SLC26A7: variants seen among roughly 807,000 people sequenced by gnomAD.
The protein encoded by SLC26A7 is anion exchange transporter.
Under a neutral mutation model 82.5 loss-of-function variants are expected in SLC26A7, and 59 were observed. The observed-to-expected ratio is 0.72, with a 90% confidence interval of 0.58 to 0.89. The LOEUF is 0.89. SLC26A7 is among the 40% of genes least tolerant of loss of function. SLC26A7 has a pLI of 0.00. For synonymous variants in SLC26A7, 271 were observed against 274.3 expected, an observed-to-expected ratio of 0.99 and a Z score of 0.12; for missense variants, 820 against 793.0, an observed-to-expected ratio of 1.03 and a Z score of -0.41.
intron 11 of SLC26A7, among the ~76,000 whole-genome samples, chr8:91,360,761 A>G (rs1487937423): frequency 6.6e-6 from 1 of 152,234 alleles, no homozygotes; most frequent in African/African-American, 2.4e-5. Flanking sequence ...GAGGAATTAG[A>G]CTTATAAAGC....
At chr8:91,375,590 A>G (rs540961549) in intron 15 of SLC26A7, among the ~76,000 whole-genome samples, 33 of 151,258 alleles carry the variant, frequency 2.2e-4, no homozygotes, top group African/African-American at 7.3e-4. Flanking sequence ...TTTGCTGAGA[A>G]GTCTACTGTT....
intron 8 of SLC26A7, among the ~76,000 whole-genome samples, chr8:91,340,907 T>C (rs918443879): frequency 4.6e-5 from 7 of 152,182 alleles, no homozygotes; most frequent in Non-Finnish European, 8.8e-5. Context: ...CTAAAGAATG[T>C]GAGCGTCTAT....
At chr8:91,367,440 T>C (rs1312969702) in intron 14 of SLC26A7, among the ~76,000 whole-genome samples, 2 of 152,230 alleles carry the variant, frequency 1.3e-5, no homozygotes, top group Non-Finnish European at 2.9e-5. Context: ...TCCAGAATTC[T>C]TTATCTCCAT....
chr8:91,220,660 G>A (rs1007726234), intron 2 of SLC26A7, among the ~76,000 whole-genome samples: 1 of 152,136 alleles, frequency 6.6e-6, no homozygotes, highest in African/African-American at 2.4e-5. Flanking sequence ...CTTTACACAA[G>A]TGCCTGCAAA....
At chr8:91,234,791 C>CCCTACCTACCTACCTACCTACCTA (rs68154003) in intron 2 of SLC26A7, among the ~76,000 whole-genome samples, 1 of 121,464 alleles carries the variant, frequency 8.2e-6, no homozygotes, top group Non-Finnish European at 1.7e-5. Context: ...TTCCCTCCCT[C>CCCTACCTACCTACCTACCTACCTA]CCTACCTACC....
chr8:91,295,634 C>A lies in SLC26A7; in HGVS notation c.408C>A (p.Gly136=), dbSNP rs1196224347. Residue 136 remains glycine, a synonymous_variant, in exon 4 of 19, where the codon GGC becomes GGA. Transcript: ENST00000276609. ...CACAGAGTAACACAAGCGTGCTGGGCTTATCCGACTTTGAAATGCAAAGGA... is the reference window on the plus strand; with the variant it reads ...CACAGAGTAACACAAGCGTGCTGGGATTATCCGACTTTGAAATGCAAAGGA... ...LTTQSNTSVL[G]LSDFEMQRIH... The A allele has an allele frequency of 1.2e-6, 2 of 1,613,994 alleles. No individual in the cohort carries two copies. Among genetic ancestry groups the A allele is most frequent in the Non-Finnish European group, 1.7e-6 (2 of 1,179,994 alleles).
chr8:91,224,170 T>C (rs967249689), intron 2 of SLC26A7, among the ~76,000 whole-genome samples: 4 of 152,116 alleles, frequency 2.6e-5, no homozygotes, highest in Non-Finnish European at 4.4e-5. Context: ...TCTTCTGAAG[T>C]CTACTTCTGT....
At chr8:91,319,487 G>C (rs764588621) in intron 5 of SLC26A7, among the ~76,000 whole-genome samples, 35 of 152,200 alleles carry the variant, frequency 2.3e-4, no homozygotes, top group Non-Finnish European at 4.9e-4. Flanking sequence ...CACAGAGCTG[G>C]AAGCTGGATC....
chr8:91,301,057 T>A (rs1002036922), intron 4 of SLC26A7, among the ~76,000 whole-genome samples: 2 of 152,236 alleles, frequency 1.3e-5, no homozygotes, highest in African/African-American at 4.8e-5. Flanking sequence ...TCCCTAATAT[T>A]GAACCAACTT....
At chr8:91,321,020 T>G (rs1281343978) in intron 5 of SLC26A7, among the ~76,000 whole-genome samples, 1 of 152,238 alleles carries the variant, frequency 6.6e-6, no homozygotes, top group Non-Finnish European at 1.5e-5. Context: ...AAATGTCCAT[T>G]GATTAATTAA....
chr8:91,348,680 C>T (rs1813631984), intron 9 of SLC26A7, among the ~76,000 whole-genome samples: 1 of 150,996 alleles, frequency 6.6e-6, no homozygotes, highest in Admixed American at 6.6e-5. Context: ...AGAAGCCAAC[C>T]TGAAACTTAT....
rs185061712 is a variant in SLC26A7, at chr8:91,278,255, G to A, written c.194-10881G>A. ...GAAAAAAAAAAGGACCTGTCAGATT[G>A]CATCACAGGAAGTCAGACAGAGCTC... is the stretch of plus-strand genomic sequence containing the variant. On this transcript the variant is annotated intron_variant, in intron 2 of 18. Coordinates refer to ENST00000276609, the MANE Select transcript of SLC26A7 (RefSeq NM_052832.4). Among the ~76,000 whole-genome samples, 100 of 151,938 alleles carry A rather than the reference G, an allele frequency of 6.6e-4. 1 individual carries two copies. Among genetic ancestry groups the A allele is most frequent in the African/African-American group, 2.3e-3 (95 of 41,448 alleles).
intron 2 of SLC26A7, among the ~76,000 whole-genome samples, chr8:91,266,803 C>T (rs1293421847): frequency 6.6e-5 from 10 of 151,942 alleles, no homozygotes; most frequent in Non-Finnish European, 4.4e-5. Context: ...AATGGACATC[C>T]TTGTCTTGTT....
intron 4 of SLC26A7, among the ~76,000 whole-genome samples, chr8:91,302,969 T>C (rs187319402): frequency 6.6e-6 from 1 of 152,264 alleles, no homozygotes; most frequent in Admixed American, 6.5e-5. Flanking sequence ...AGTGACTGAA[T>C]TGACTGGTAT....
chr8:91,351,089 G>T (rs1393899307), intron 9 of SLC26A7, among the ~76,000 whole-genome samples: 4 of 152,068 alleles, frequency 2.6e-5, no homozygotes, highest in African/African-American at 4.8e-5. Context: ...CTTTTCTCTT[G>T]TTAGGAAGGC....
intron 1 of SLC26A7, among the ~76,000 whole-genome samples, chr8:91,210,562 G>GACACACACACACACACACACACACAC (rs35968986): frequency 1.4e-5 from 2 of 146,096 alleles, no homozygotes; most frequent in African/African-American, 5.0e-5. Context: ...CACACACACA[G>GACACACACACACACACACACACACAC]ACACACACAC....
At position 91,395,234 on chromosome 8, in the gene SLC26A7, C is replaced by T; in HGVS notation, c.*137C>T. On this transcript the variant is annotated 3_prime_UTR_variant, in exon 19 of 19. Coordinates refer to ENST00000276609, the MANE Select transcript of SLC26A7 (RefSeq NM_052832.4). ...CAATAAGTACGATGTGACTTAGTAA[C>T]TGCATAGCAGTTGGAAAGAACTGCC... is the stretch of plus-strand genomic sequence containing the variant. The T allele has an allele frequency of 6.9e-7, 1 of 1,458,800 alleles. No homozygotes were observed. The highest frequency in any genetic ancestry group is 9.0e-7 in the Non-Finnish European group (1 of 1,105,058). 90.4% of individuals were successfully genotyped at this position (1,458,800 alleles called of 1,614,324 possible). A position where few individuals can be genotyped will look rare whatever the true frequency, so the allele number is the denominator to read the frequency against.
intron 6 of SLC26A7, among the ~76,000 whole-genome samples, chr8:91,336,419 T>G (rs6471275): frequency 0.82 from 125,162 of 151,878 alleles, 52,207 homozygotes; most frequent in Non-Finnish European, 0.9. Flanking sequence ...GTTGTGAACT[T>G]CACACGTGAG....
chr8:91,306,157 CT>C (rs1435858655), intron 4 of SLC26A7, among the ~76,000 whole-genome samples: 1 of 152,138 alleles, frequency 6.6e-6, no homozygotes, highest in Non-Finnish European at 1.5e-5. Flanking sequence ...CTGTTTGATC[CT>C]CATACTCTTC....
Sources: allele counts gnomAD v4.1 joint callset (sites outside exome capture counted in the v4.1 genomes callset), GRCh38; gene constraint gnomAD v4.1.1; transcripts MANE v1.5; gene names NCBI Gene and HGNC (gene_info 2026-07-23, HGNC 2026-07-21).